ANKRD36: variants seen among roughly 807,000 people sequenced by gnomAD.
ANKRD36 encodes ankyrin repeat domain 36, also known as ankyrin repeat domain-containing protein 36A.
In ANKRD36, 179 loss-of-function variants were observed where a neutral mutation model predicts 278.1. That is an observed-to-expected ratio of 0.64 (90% CI 0.57 to 0.73). The LOEUF is 0.73. Among genes scored for constraint, ANKRD36 ranks in the 30% least tolerant of loss-of-function variants. ANKRD36 has a pLI of 0.00. For synonymous variants in ANKRD36, 320 were observed against 641.1 expected, an observed-to-expected ratio of 0.50 and a Z score of 7.57; for missense variants, 1,159 against 1,956.7, an observed-to-expected ratio of 0.59 and a Z score of 7.69.
chr2:97,158,516 C>T (rs1016542025), intron 16 of ANKRD36, 72 bp from the exon 17 acceptor site: 4 of 1,490,188 alleles, frequency 2.7e-6, no homozygotes, highest in African/African-American at 1.4e-5. Flanking sequence ...TGTGAGCCCC[C>T]ACACCCGGTT....
intron 12 of ANKRD36, among the ~76,000 whole-genome samples, 181 bp downstream of exon 12, chr2:97,149,542 A>T (rs2045345613): frequency 6.6e-6 from 1 of 151,912 alleles, no homozygotes; most frequent in African/African-American, 2.4e-5. Context: ...TACTTTGGCA[A>T]ATAAGAAATA....
intron 22 of ANKRD36, among the ~76,000 whole-genome samples, chr2:97,175,718 G>A (rs1441612830): frequency 6.7e-6 from 1 of 149,240 alleles, no homozygotes; most frequent in Admixed American, 6.7e-5. Flanking sequence ...TGTGATGTTA[G>A]GGTGTCAATT....
chr2:97,220,761 CTTTTTTTTT>C (rs60699692), intron 66 of ANKRD36, among the ~76,000 whole-genome samples: 1 of 70,604 alleles, frequency 1.4e-5, no homozygotes, highest in Non-Finnish European at 2.6e-5. Flanking sequence ...TTTTAATTTT[CTTTTTTTTT>C]TTTAATTTTT....
chr2:97,227,733 T>C (rs1340522629), intron 67 of ANKRD36, among the ~76,000 whole-genome samples: 1 of 152,134 alleles, frequency 6.6e-6, no homozygotes, highest in Non-Finnish European at 1.5e-5. Flanking sequence ...AGGGAATGCT[T>C]CCAGTTTTTG....
chr2:97,260,611 A>C (rs1172257577), intron 75 of ANKRD36, among the ~76,000 whole-genome samples: 1 of 111,674 alleles, frequency 9.0e-6, no homozygotes, highest in African/African-American at 3.7e-5. Context: ...TACTGCCTTT[A>C]ATGTTTTAAT....
intron 8 of ANKRD36, among the ~76,000 whole-genome samples, chr2:97,144,168 T>C (rs1190493118): frequency 3.9e-5 from 6 of 152,126 alleles, no homozygotes; most frequent in Admixed American, 3.9e-4. Context: ...ATTAATCACC[T>C]GCTTCGACAT....
chr2:97,146,112 A>G (rs375371221), intron 10 of ANKRD36, among the ~76,000 whole-genome samples: 66 of 151,972 alleles, frequency 4.3e-4, no homozygotes, highest in African/African-American at 1.4e-3. Flanking sequence ...GAATTTACAG[A>G]TGTGCACCAC....
At chr2:97,196,306 C>G (rs1374603089) in intron 40 of ANKRD36, among the ~76,000 whole-genome samples, 29 of 139,676 alleles carry the variant, frequency 2.1e-4, no homozygotes, top group African/African-American at 7.3e-4. Context: ...CACATTTGTT[C>G]TCATCACTCG....
rs111440851 is a variant in ANKRD36 at position 97,189,474 on chromosome 2, G to A, written c.2245+184G>A. The stretch of plus-strand genomic sequence containing the variant: ...GACGCTAATGCTGCTGGCTTGGAAC[G>A]TGATCTTCGCAGTAAGATTATACAC... On this transcript the variant is annotated intron_variant, in intron 34 of 75. Transcript: ENST00000420699. 6.8e-3 allele frequency among the ~76,000 whole-genome samples: 604 copies of A among 88,290 alleles called. 92 individuals are homozygous for A. Among genetic ancestry groups the A allele is most frequent in the South Asian group, 0.033 (130 of 3,894 alleles). The allele number at this position is 88,290 out of a possible 152,430, so 57.9% of individuals were successfully genotyped here. A position where few individuals can be genotyped will look rare whatever the true frequency, so the allele number is the denominator to read the frequency against.
chr2:97,205,452 T>G (rs1270838838), intron 50 of ANKRD36, among the ~76,000 whole-genome samples: 1 of 151,526 alleles, frequency 6.6e-6, no homozygotes, highest in Non-Finnish European at 1.5e-5. Flanking sequence ...ATGTGAAGTG[T>G]AAGTTCAACT....
intron 17 of ANKRD36, among the ~76,000 whole-genome samples, chr2:97,161,517 G>T (rs948766008): frequency 6.6e-6 from 1 of 151,974 alleles, no homozygotes; most frequent in African/African-American, 2.4e-5. Context: ...GTCTTTCAGG[G>T]TGACCTTTCT....
chr2:97,198,240 A>G (rs546159278), intron 42 of ANKRD36, among the ~76,000 whole-genome samples: 1 of 152,018 alleles, frequency 6.6e-6, no homozygotes, highest in Admixed American at 6.6e-5. Context: ...CATATGACAA[A>G]TCATACCATG....
intron 36 of ANKRD36, 92 bp downstream of exon 36, chr2:97,191,273 C>T: frequency 7.5e-7 from 1 of 1,332,494 alleles, no homozygotes; most frequent in South Asian, 1.4e-5. Context: ...CTCGTCGAAG[C>T]TGCACATTAT....
intron 18 of ANKRD36, among the ~76,000 whole-genome samples, chr2:97,163,047 C>T (rs1343283901): frequency 4.6e-5 from 7 of 151,830 alleles, no homozygotes; most frequent in African/African-American, 1.7e-4. Context: ...GCGGGAGGAT[C>T]ATGAGGTCAG....
chr2:97,140,194 C>CA (rs2042532556), intron 6 of ANKRD36, among the ~76,000 whole-genome samples: 1 of 151,658 alleles, frequency 6.6e-6, no homozygotes, highest in Non-Finnish European at 1.5e-5. Context: ...CAAAAAATTA[C>CA]ACCATTCTTC....
chr2:97,158,553 C>T (rs1231017973), intron 16 of ANKRD36, 35 bp from the exon 17 acceptor site: 1 of 1,527,520 alleles, frequency 6.5e-7, no homozygotes, highest in Non-Finnish European at 8.8e-7. Flanking sequence ...TAATTACATG[C>T]ATTTCATCTA....
intron 52 of ANKRD36, 136 bp downstream of exon 52, chr2:97,206,271 C>T (rs141590622): frequency 8.5e-6 from 9 of 1,064,856 alleles, no homozygotes; most frequent in Non-Finnish European, 1.0e-5. Context: ...ATTTGTAGTA[C>T]GTTCTTGGGT....
chr2:97,231,107 G>A (rs1291797513), intron 67 of ANKRD36, among the ~76,000 whole-genome samples: 3 of 152,108 alleles, frequency 2.0e-5, no homozygotes, highest in African/African-American at 7.2e-5. Flanking sequence ...TCTCACTTGA[G>A]GAGGCAGTCT....
At chr2:97,156,665 G>A in intron 15 of ANKRD36, among the ~76,000 whole-genome samples, 1 of 135,814 alleles carries the variant, frequency 7.4e-6, no homozygotes, top group African/African-American at 2.6e-5. Flanking sequence ...ATTGTGAATA[G>A]TGCCGCAATA....
Sources: gnomAD v4.1 joint callset for allele counts (sites outside exome capture counted in the v4.1 genomes callset) on GRCh38, gnomAD v4.1.1 for gene constraint, MANE v1.5 for transcripts, NCBI Gene and HGNC (gene_info 2026-07-23, HGNC 2026-07-21) for gene names.